The following MYH9 variants were observed in gnomAD, a reference collection of about 807,000 sequenced individuals.
MYH9 encodes the protein myosin heavy chain 9.
A neutral mutation model predicts 241.9 loss-of-function variants in MYH9; 29 were observed. That is an observed-to-expected ratio of 0.12 (90% CI 0.09 to 0.16). The LOEUF (loss-of-function observed/expected upper bound fraction) is 0.16. MYH9 is among the 10% of genes least tolerant of loss of function. MYH9 has a pLI of 1.00. For synonymous variants in MYH9, 1,047 were observed against 1,062.6 expected (o/e 0.99, Z 0.29); for missense variants, 1,803 against 2,595.5 (o/e 0.69, Z 6.63).
chr22:36,333,314 G>A (rs1367477309), intron 3 of MYH9, among the ~76,000 whole-genome samples: 1 of 152,200 alleles, frequency 6.6e-6, no homozygotes, highest in East Asian at 1.9e-4. Context: ...TCGGTAGAAG[G>A]AAAGGCATGT....
In MYH9 at chr22:36,306,393, C is replaced by T. The variant is rs1364989886; in HGVS notation, c.2037+21G>A. 8.7e-6 allele frequency: 14 copies of T among 1,613,760 alleles called. No homozygotes were observed. Among genetic ancestry groups the T allele is most frequent in the South Asian group, 1.1e-5 (1 of 91,070 alleles). On this transcript the variant is annotated intron_variant, in intron 16 of 40. Transcript: ENST00000216181. The surrounding 1 kb of genome is among the most constrained non-coding windows in gnomAD (Gnocchi z 4.1). ...CCACACCACAGTGCCCTGCCCGGGC[C>T]ACCCCACCAGGCAGCCGCACCTTCT...
In MYH9 at chr22:36,293,379, C is replaced by T. The variant is rs754846885; in HGVS notation, c.4045G>A (p.Glu1349Lys). 3.6e-5 allele frequency: 58 copies of T among 1,613,968 alleles called. No individual in the cohort carries two copies. The highest frequency in any genetic ancestry group is 4.7e-5 in the Non-Finnish European group (55 of 1,180,048). ...NSFREQLEEE[E>K]EAKHNLEKQI... is the part of the protein sequence containing the mutation. ...TTCTCCAGGTTGTGCTTGGCCTCCT[C>T]CTCCTCCTCCAGCTGCTCCCGGAAG... Residue 1349 changes from glutamate (E) to lysine (K), a missense_variant, in exon 30 of 41, where the codon GAG becomes AAG. This residue lies in a region of MYH9 where 876 missense variants were observed against 1,077.8 expected (regional missense o/e 0.81). Coordinates refer to ENST00000216181, the MANE Select transcript of MYH9 (RefSeq NM_002473.6). The surrounding 1 kb of genome is among the most constrained non-coding windows in gnomAD (Gnocchi z 5.1).
chr22:36,373,025 C>A (rs2018112271), intron 1 of MYH9, among the ~76,000 whole-genome samples: 1 of 152,198 alleles, frequency 6.6e-6, no homozygotes, highest in Non-Finnish European at 1.5e-5. Flanking sequence ...ATCTTCTCCC[C>A]TTAGGCCCAC....
intron 12 of MYH9, among the ~76,000 whole-genome samples, chr22:36,315,458 T>A (rs566163060): frequency 2.7e-4 from 41 of 152,096 alleles, no homozygotes; most frequent in Non-Finnish European, 5.0e-4. Flanking sequence ...AGATGTCTTA[T>A]CCCGATGCTC....
intron 6 of MYH9, 108 bp downstream of exon 6, chr22:36,322,321 G>A (rs2017266860): frequency 8.0e-7 from 1 of 1,248,692 alleles, no homozygotes; most frequent in Admixed American, 1.7e-5. Context: ...CACCGAGTCT[G>A]AACCGTCCTC....
rs2017025215 is a variant in MYH9 at position 36,309,460 on chromosome 22, C to T, written c.1729-64G>A. On this transcript the variant is annotated intron_variant, in intron 14 of 40. Coordinates refer to ENST00000216181, the MANE Select transcript of MYH9 (RefSeq NM_002473.6). The stretch of plus-strand genomic sequence containing the variant: ...GGGGACATGTGTGCTCACAGGGTCT[C>T]CGGAGCACAGGCTAACCCCATGCAT... 4.0e-6 allele frequency: 5 copies of T among 1,244,032 alleles called. No homozygotes were observed. In the South Asian group the frequency reaches 6.0e-5, roughly 15 times the overall value. 77.1% of individuals were successfully genotyped at this position (1,244,032 alleles called of 1,614,324 possible).
At position 36,295,440 on chromosome 22, in the gene MYH9, T is replaced by C. The variant is rs1178692392; in HGVS notation, c.3485+65A>G. On this transcript the variant is annotated intron_variant, in intron 26 of 40. Transcript: ENST00000216181. This position sits in a 1 kb window ranked among gnomAD's most constrained non-coding sequence, Gnocchi z 4.1. The stretch of plus-strand genomic sequence containing the variant: ...TGTGTGTGCAGAGGCCCGGGGTCCA[T>C]GTCTCCAAGCCAAGGCCCCCCTGGC... The C allele has an allele frequency of 3.7e-6, 5 of 1,367,534 alleles. No individual in the cohort carries two copies. Among genetic ancestry groups the C allele is most frequent in the African/African-American group, 1.4e-5 (1 of 69,916 alleles). 84.7% of individuals were successfully genotyped at this position (1,367,534 alleles called of 1,614,324 possible).
In MYH9 at chr22:36,329,925, C is replaced by T. The variant is rs16996672; in HGVS notation, c.491-2437G>A. Among the ~76,000 whole-genome samples the T allele has an allele frequency of 0.078, 11,835 of 152,288 alleles. 1,591 individuals are homozygous for T. Among genetic ancestry groups the T allele is most frequent in the African/African-American group, 0.27 (11,348 of 41,520 alleles). ...GCCATATACATAGATCCACACAAGGCACACAGCTGCACACGCATTCACAGA... is the reference window on the plus strand; with the variant it reads ...GCCATATACATAGATCCACACAAGGTACACAGCTGCACACGCATTCACAGA... On this transcript the variant is annotated intron_variant, in intron 3 of 40. Coordinates refer to ENST00000216181, the MANE Select transcript of MYH9 (RefSeq NM_002473.6). This position sits in a 1 kb window ranked among gnomAD's most constrained non-coding sequence, Gnocchi z 4.1.
At chr22:36,290,338 CAAA>C (rs530199922) in intron 31 of MYH9, among the ~76,000 whole-genome samples, 2 of 53,724 alleles carry the variant, frequency 3.7e-5, no homozygotes, top group African/African-American at 5.7e-5. Context: ...AGACAGTCTC[CAAA>C]AAAAAAAAAA....
At position 36,286,635 on chromosome 22, in the gene MYH9, G is replaced by A. The variant is rs984029741; in HGVS notation, c.5061+83C>T. 4.4e-6 allele frequency: 7 copies of A among 1,589,298 alleles called. No individual in the cohort carries two copies. In the East Asian group the frequency reaches 1.6e-4, roughly 35 times the overall value. ...ATTCCTGGAGCCCAGTAGGACTCCAGCCCTGTCCTCAGCTGAAAGCCCCAC... is the reference window on the plus strand; with the variant it reads ...ATTCCTGGAGCCCAGTAGGACTCCAACCCTGTCCTCAGCTGAAAGCCCCAC... On this transcript the variant is annotated intron_variant, in intron 35 of 40. Transcript: ENST00000216181.
chr22:36,383,247 A>G (rs1341668424), intron 1 of MYH9, among the ~76,000 whole-genome samples: 1 of 152,094 alleles, frequency 6.6e-6, no homozygotes, highest in African/African-American at 2.4e-5. Flanking sequence ...CAAAAAGGAA[A>G]TCAAACCTCC....
intron 2 of MYH9, among the ~76,000 whole-genome samples, chr22:36,346,127 G>A (rs558509192): frequency 8.8e-5 from 13 of 147,962 alleles, no homozygotes; most frequent in African/African-American, 3.3e-4. Context: ...ACGCCAGCCT[G>A]GGTGACAAAG....
chr22:36,349,295 ACGTC>A (rs2017730883), intron 1 of MYH9, 40 bp from the exon 2 acceptor site: 4 of 1,458,202 alleles, frequency 2.7e-6, no homozygotes, highest in Non-Finnish European at 3.8e-6. Flanking sequence ...ACATACAACT[ACGTC>A]AGCCACACAA....
intron 2 of MYH9, among the ~76,000 whole-genome samples, chr22:36,342,817 C>T (rs111499698): frequency 2.1e-4 from 32 of 152,196 alleles, no homozygotes; most frequent in African/African-American, 5.5e-4. Context: ...ACATCACCTA[C>T]GGCCCTGCCT....
chr22:36,326,493 C>T, intron 5 of MYH9, 75 bp downstream of exon 5: 10 of 1,305,796 alleles, frequency 7.7e-6, no homozygotes, highest in South Asian at 1.2e-5. Context: ...GAAGCCGGGA[C>T]CACTAAGTGC....
chr22:36,358,648 C>T (rs913362781), intron 1 of MYH9, among the ~76,000 whole-genome samples: 3 of 152,124 alleles, frequency 2.0e-5, no homozygotes, highest in Admixed American at 1.3e-4. Flanking sequence ...AGACAGTCAC[C>T]GTAAACTCCT....
chr22:36,352,572 T>G (rs1049778346), intron 1 of MYH9, among the ~76,000 whole-genome samples: 2 of 152,174 alleles, frequency 1.3e-5, no homozygotes, highest in African/African-American at 2.4e-5. Context: ...TCACACCAGC[T>G]GGCGGGGAGG....
chr22:36,351,266 C>T (rs757323467), intron 1 of MYH9, among the ~76,000 whole-genome samples: 7 of 152,198 alleles, frequency 4.6e-5, no homozygotes, highest in African/African-American at 9.7e-5. Context: ...CTTCCCCGGC[C>T]GGTGGCTCTG....
intron 13 of MYH9, among the ~76,000 whole-genome samples, chr22:36,312,925 G>T (rs4821482): frequency 3.3e-5 from 5 of 150,788 alleles, no homozygotes; most frequent in African/African-American, 9.8e-5. Context: ...CCTGGCCAAC[G>T]TGGTGAAACT....
Sources: allele counts gnomAD v4.1 joint callset (sites outside exome capture counted in the v4.1 genomes callset), GRCh38; gene constraint gnomAD v4.1.1; regional missense constraint gnomAD v4.1.1; non-coding constraint Gnocchi (gnomAD v3.1); transcripts MANE v1.5; gene names NCBI Gene and HGNC (gene_info 2026-07-23, HGNC 2026-07-21).